Variants in NKAIN2 observed in about 807,000 individuals in gnomAD.
NKAIN2 encodes the protein sodium/potassium-transporting ATPase subunit beta-1-interacting protein 2.
In NKAIN2, 14 loss-of-function variants were observed where a neutral mutation model predicts 32.6. That is an observed-to-expected ratio of 0.43 (90% CI 0.28 to 0.67). NKAIN2 has a LOEUF of 0.67. Ranked by LOEUF, NKAIN2 falls within the 30% of genes least tolerant of loss-of-function variation. NKAIN2 has a pLI of 0.17. For missense variants in NKAIN2, 198 were observed against 258.3 expected (o/e 0.77, Z 1.60); for synonymous variants, 80 against 87.2 (o/e 0.92, Z 0.46).
At chr6:124,352,834 C>T (rs888730041) in intron 2 of NKAIN2, among the ~76,000 whole-genome samples, 1 of 152,116 alleles carries the variant, frequency 6.6e-6, no homozygotes, top group Non-Finnish European at 1.5e-5. Flanking sequence ...TGCTTAGCCC[C>T]CTAATTCTGT....
chr6:124,009,553 T>C (rs1310278839), intron 1 of NKAIN2, among the ~76,000 whole-genome samples: 1 of 152,118 alleles, frequency 6.6e-6, no homozygotes, highest in Admixed American at 6.6e-5. Flanking sequence ...CCCTCAGCAT[T>C]GAGAGCTGCT....
chr6:124,578,805 G>A (rs537381660), intron 3 of NKAIN2, among the ~76,000 whole-genome samples: 3 of 152,232 alleles, frequency 2.0e-5, no homozygotes, highest in South Asian at 2.1e-4. Context: ...CCCAGTGGTG[G>A]TGGCCAGAGG....
At chr6:124,263,702 A>G (rs1276081695) in intron 1 of NKAIN2, among the ~76,000 whole-genome samples, 1 of 110,422 alleles carries the variant, frequency 9.1e-6, no homozygotes, top group Non-Finnish European at 1.8e-5. Context: ...GCTACTATAA[A>G]TGTTTGTTTG....
chr6:123,807,233 C>A (rs1773255195), intron 1 of NKAIN2, among the ~76,000 whole-genome samples: 1 of 151,962 alleles, frequency 6.6e-6, no homozygotes, highest in Non-Finnish European at 1.5e-5. Flanking sequence ...TACAAAACTT[C>A]CATTTTATGA....
chr6:124,233,910 T>C (rs1035092391), intron 1 of NKAIN2, among the ~76,000 whole-genome samples: 1 of 152,192 alleles, frequency 6.6e-6, no homozygotes, highest in South Asian at 2.1e-4. Context: ...GTTTTTATAA[T>C]GTTTTCCCCC....
chr6:124,692,539 G>A (rs1028094962), intron 4 of NKAIN2, among the ~76,000 whole-genome samples: 10 of 152,066 alleles, frequency 6.6e-5, no homozygotes, highest in Admixed American at 2.0e-4. Context: ...CATGAGGGCC[G>A]GGTGCGGTGG....
intron 3 of NKAIN2, among the ~76,000 whole-genome samples, chr6:124,547,897 T>G (rs1273390815): frequency 1.3e-5 from 2 of 152,148 alleles, no homozygotes; most frequent in African/African-American, 4.8e-5. Flanking sequence ...CCCACCACCC[T>G]ACACACACGT....
At chr6:123,938,558 ATTTTTATATATTATATATATTTATATAG>A in intron 1 of NKAIN2, among the ~76,000 whole-genome samples, 1 of 136,158 alleles carries the variant, frequency 7.3e-6, no homozygotes, top group Non-Finnish European at 1.6e-5. Flanking sequence ...ATATTTATAT[ATTTTTATATATTATATATATTTATATAG>A]TTTTTATATA....
At chr6:124,731,829 G>C (rs1027315721) in intron 4 of NKAIN2, among the ~76,000 whole-genome samples, 13 of 152,130 alleles carry the variant, frequency 8.5e-5, no homozygotes, top group Non-Finnish European at 1.6e-4. Context: ...GAACTATTCT[G>C]TCTCTACATA....
At position 124,173,331 on chromosome 6, in the gene NKAIN2, G is replaced by T. The variant is rs1788989892; in HGVS notation, c.55-109674G>T. On this transcript the variant is annotated intron_variant, in intron 1 of 6. Transcript: ENST00000368417. ...TTCATTTTAGCATATATTACTTTTA[G>T]TACGTGATTGGGAGTTTTACTGGAA... is the stretch of plus-strand genomic sequence containing the variant. 2.0e-5 allele frequency among the ~76,000 whole-genome samples: 3 copies of T among 152,168 alleles called. No homozygotes were observed. In the South Asian group the frequency reaches 6.2e-4, roughly 32 times the overall value.
chr6:123,932,582 A>G (rs1776304797), intron 1 of NKAIN2, among the ~76,000 whole-genome samples: 1 of 151,532 alleles, frequency 6.6e-6, no homozygotes, highest in Non-Finnish European at 1.5e-5. Flanking sequence ...CTGCCCGGCT[A>G]ATTTTTTCTA....
At chr6:124,302,887 T>C (rs1796347600) in intron 2 of NKAIN2, among the ~76,000 whole-genome samples, 1 of 152,176 alleles carries the variant, frequency 6.6e-6, no homozygotes. Context: ...AAGAAAGGTA[T>C]CAAAATATGT....
chr6:124,824,930 A>G lies in NKAIN2; in HGVS notation c.*1701A>G, dbSNP rs1437067370. 1.3e-5 allele frequency: 2 copies of G among 152,608 alleles called. No homozygotes were observed. The highest frequency in any genetic ancestry group is 2.9e-5 in the Non-Finnish European group (2 of 68,034). 9.5% of individuals were successfully genotyped at this position (152,608 alleles called of 1,614,324 possible). A position where few individuals can be genotyped will look rare whatever the true frequency, so the allele number is the denominator to read the frequency against. On this transcript the variant is annotated 3_prime_UTR_variant, in exon 7 of 7. Coordinates refer to ENST00000368417, the MANE Select transcript of NKAIN2 (RefSeq NM_001040214.3). ...AGGAACAAAGAGTTATCATTGGAAC[A>G]TAAACTATAAAAAAAGATTCCAGCA...
At chr6:124,450,787 A>G (rs1776074249) in intron 3 of NKAIN2, among the ~76,000 whole-genome samples, 1 of 152,008 alleles carries the variant, frequency 6.6e-6, no homozygotes, top group African/African-American at 2.4e-5. Context: ...CATAATTTTA[A>G]TTTAATTTTG....
At chr6:124,109,202 T>G (rs775963622) in intron 1 of NKAIN2, among the ~76,000 whole-genome samples, 2 of 152,098 alleles carry the variant, frequency 1.3e-5, no homozygotes, top group East Asian at 3.9e-4. Flanking sequence ...GATGTCTATT[T>G]GCTGTGTTTT....
At chr6:124,681,980 A>T (rs1418829888) in intron 4 of NKAIN2, among the ~76,000 whole-genome samples, 1 of 152,058 alleles carries the variant, frequency 6.6e-6, no homozygotes, top group Admixed American at 6.6e-5. Context: ...AGGAAAGGCA[A>T]GAGAAGGGTG....
At chr6:123,862,620 C>T (rs192055437) in intron 1 of NKAIN2, among the ~76,000 whole-genome samples, 39 of 152,298 alleles carry the variant, frequency 2.6e-4, no homozygotes, top group Admixed American at 2.0e-3. Flanking sequence ...ACCCTGTGAT[C>T]TAATAAACTG....
chr6:124,560,549 C>T (rs974891270), intron 3 of NKAIN2, among the ~76,000 whole-genome samples: 3 of 152,198 alleles, frequency 2.0e-5, no homozygotes, highest in Non-Finnish European at 4.4e-5. Context: ...ACCTATGTAG[C>T]CCTAGTAAAG....
At chr6:124,550,440 A>G (rs191668962) in intron 3 of NKAIN2, among the ~76,000 whole-genome samples, 18 of 152,088 alleles carry the variant, frequency 1.2e-4, no homozygotes, top group African/African-American at 4.3e-4. Flanking sequence ...GGCACCACAG[A>G]TGCTCATCTT....
Sources: allele counts gnomAD v4.1 joint callset (sites outside exome capture counted in the v4.1 genomes callset), GRCh38; gene constraint gnomAD v4.1.1; transcripts MANE v1.5; gene names NCBI Gene and HGNC (gene_info 2026-07-23, HGNC 2026-07-21).